IQSEC1: variants seen among roughly 807,000 people sequenced by gnomAD.
The protein encoded by IQSEC1 is IQ motif and Sec7 domain ArfGEF 1.
A neutral mutation model predicts 91.0 loss-of-function variants in IQSEC1; 31 were observed. The ratio of observed to expected loss-of-function variants is 0.34; its 90% CI spans 0.26 to 0.46. The LOEUF (loss-of-function observed/expected upper bound fraction) is 0.46, where lower values mean the gene tolerates loss of function less well. Among genes scored for constraint, IQSEC1 ranks in the 20% least tolerant of loss-of-function variants. The pLI, the probability that IQSEC1 is intolerant of heterozygous loss-of-function variation, is 1.00. For synonymous variants in IQSEC1, 699 were observed against 662.6 expected, an observed-to-expected ratio of 1.05 and a Z score of -0.84; for missense variants, 1,388 against 1,575.6, an observed-to-expected ratio of 0.88 and a Z score of 2.02.
intron 8 of IQSEC1, among the ~76,000 whole-genome samples, chr3:12,914,585 G>A (rs1032272609): frequency 6.6e-6 from 1 of 152,176 alleles, no homozygotes; most frequent in African/African-American, 2.4e-5. Context: ...AGCTGGGGAG[G>A]GTGAGGGCAG....
In IQSEC1 at chr3:12,900,015, T is replaced by TAA; in HGVS notation, c.*966_*967dup. The TAA allele has an allele frequency of 1.0e-6, 1 of 985,402 alleles. No individual in the cohort carries two copies. The highest frequency in any genetic ancestry group is 1.2e-6 in the Non-Finnish European group (1 of 829,926). 61.0% of individuals were successfully genotyped at this position (985,402 alleles called of 1,614,324 possible). A position where few individuals can be genotyped will look rare whatever the true frequency, so the allele number is the denominator to read the frequency against. Reference sequence around the variant, plus strand: ...CAGTTATCGCAGCCATTAAAGTGTCTAAGAATCCGTGTAACCAATGTCCTA... The same window carrying TAA: ...CAGTTATCGCAGCCATTAAAGTGTCTAAAAGAATCCGTGTAACCAATGTCCTA... On this transcript the variant is annotated 3_prime_UTR_variant, in exon 14 of 14. Transcript: ENST00000613206.
intron 1 of IQSEC1, among the ~76,000 whole-genome samples, chr3:13,185,994 G>A (rs775912988): frequency 2.0e-5 from 3 of 152,262 alleles, no homozygotes; most frequent in Non-Finnish European, 2.9e-5. Flanking sequence ...TTGACGCCAT[G>A]ACTCACTTGG....
chr3:13,009,777 C>T (rs936705451), intron 1 of IQSEC1, among the ~76,000 whole-genome samples: 1 of 150,690 alleles, frequency 6.6e-6, no homozygotes, highest in African/African-American at 2.4e-5. Flanking sequence ...CGTTGAGAGC[C>T]GGGCTTTAGC....
intron 1 of IQSEC1, among the ~76,000 whole-genome samples, chr3:13,187,671 TG>T (rs1436321868): frequency 3.9e-5 from 6 of 152,312 alleles, no homozygotes; most frequent in African/African-American, 1.4e-4. Flanking sequence ...ACTTCTCTTC[TG>T]GGTCCTGACT....
rs1480824219 is a variant in IQSEC1 at position 13,214,576 on chromosome 3, C to G, written c.273-50443G>C. Among the ~76,000 whole-genome samples the G allele has an allele frequency of 6.6e-6, 1 of 152,258 alleles. No individual in the cohort carries two copies. Among genetic ancestry groups the G allele is most frequent in the Non-Finnish European group, 1.5e-5 (1 of 68,044 alleles). On this transcript the variant is annotated intron_variant, in intron 1 of 15. Coordinates refer to the IQSEC1 transcript ENST00000648114. This position sits in a 1 kb window ranked among gnomAD's most constrained non-coding sequence, Gnocchi z 4.5. ...GCCTCTCACTGCCAGGTGGACGAAC[C>G]AGGGCAGGAATCCTAGCAGAAGCCT...
intron 1 of IQSEC1, among the ~76,000 whole-genome samples, chr3:12,963,840 G>T (rs1700391365): frequency 6.6e-6 from 1 of 152,242 alleles, no homozygotes; most frequent in South Asian, 2.1e-4. Context: ...AGGAACACAG[G>T]AAAGTGAAAA....
At position 12,941,816 on chromosome 3, in the gene IQSEC1, G is replaced by A. The variant is rs375594309; in HGVS notation, c.73C>T (p.Pro25Ser). ...AAGGGGCCCTGGGGGTAGGCTGAGGGGCTGTCCAGGGATGTGCCAGTCTCA... is the reference window on the plus strand; with the variant it reads ...AAGGGGCCCTGGGGGTAGGCTGAGGAGCTGTCCAGGGATGTGCCAGTCTCA... ...SSETGTSLDS[P>S]SAYPQGPLVP... The change falls in exon 2 of 14, where the codon CCC becomes TCC. Residue 25 changes from proline to serine, a missense_variant. Coordinates refer to ENST00000613206, the MANE Select transcript of IQSEC1 (RefSeq NM_001134382.3). The A allele has an allele frequency of 2.4e-5, 39 of 1,609,472 alleles. No homozygotes were observed. The highest frequency in any genetic ancestry group is 3.2e-5 in the Non-Finnish European group (38 of 1,179,008).
intron 1 of IQSEC1, among the ~76,000 whole-genome samples, chr3:12,950,432 C>G (rs1453995749): frequency 3.3e-5 from 5 of 152,126 alleles, no homozygotes; most frequent in African/African-American, 1.2e-4. Context: ...CTTTGGGAGG[C>G]CGAGGTGGGA....
chr3:13,157,044 CA>C (rs1327567166), intron 2 of IQSEC1, among the ~76,000 whole-genome samples: 3 of 152,166 alleles, frequency 2.0e-5, no homozygotes, highest in Non-Finnish European at 4.4e-5. Flanking sequence ...GTCATTTGAC[CA>C]AGGTCATTCA....
chr3:13,170,968 T>G (rs758017587), intron 1 of IQSEC1, among the ~76,000 whole-genome samples: 2 of 151,884 alleles, frequency 1.3e-5, no homozygotes, highest in Non-Finnish European at 2.9e-5. Context: ...GGCATGATGG[T>G]GAGTGCCTGT....
At chr3:13,255,004 G>A (rs1044676734) in intron 1 of IQSEC1, among the ~76,000 whole-genome samples, 11 of 152,214 alleles carry the variant, frequency 7.2e-5, no homozygotes, top group African/African-American at 2.2e-4. Flanking sequence ...AACCTCCCTC[G>A]ACAATCAGAG....
intron 2 of IQSEC1, among the ~76,000 whole-genome samples, chr3:13,085,350 G>C (rs1439437257): frequency 6.6e-6 from 1 of 152,160 alleles, no homozygotes; most frequent in Non-Finnish European, 1.5e-5. Context: ...CCTGGTGAGA[G>C]AGTGAGATCC....
chr3:13,174,380 G>C (rs1220049070), intron 1 of IQSEC1, among the ~76,000 whole-genome samples: 1 of 152,152 alleles, frequency 6.6e-6, no homozygotes, highest in Non-Finnish European at 1.5e-5. Flanking sequence ...CATCCCACTG[G>C]AGACTATACA....
chr3:13,128,892 A>G (rs894349122), intron 2 of IQSEC1, among the ~76,000 whole-genome samples: 25 of 151,884 alleles, frequency 1.6e-4, no homozygotes, highest in African/African-American at 5.6e-4. Flanking sequence ...AAAAAAAAAA[A>G]AAAAAGAAAT....
At chr3:12,923,532 A>G (rs915866308) in intron 4 of IQSEC1, among the ~76,000 whole-genome samples, 1 of 152,176 alleles carries the variant, frequency 6.6e-6, no homozygotes, top group Non-Finnish European at 1.5e-5. Context: ...TGCTGGCCAC[A>G]CTTAGCCTCC....
intron 1 of IQSEC1, among the ~76,000 whole-genome samples, chr3:13,172,204 C>T (rs1693629589): frequency 2.0e-5 from 3 of 152,308 alleles, no homozygotes; most frequent in South Asian, 2.1e-4. Context: ...CCAAGTCCTC[C>T]GGGCACAGCA....
intron 1 of IQSEC1, among the ~76,000 whole-genome samples, chr3:13,184,214 G>A (rs1360894182): frequency 6.6e-6 from 1 of 152,186 alleles, no homozygotes; most frequent in African/African-American, 2.4e-5. Context: ...TAGCAAGAAA[G>A]AGAACTCCTG....
chr3:13,019,957 C>T (rs879733930), intron 1 of IQSEC1, among the ~76,000 whole-genome samples: 11 of 152,194 alleles, frequency 7.2e-5, no homozygotes, highest in Non-Finnish European at 1.2e-4. Flanking sequence ...CTCTGTGAGG[C>T]GGTGCTGCTT....
intron 1 of IQSEC1, among the ~76,000 whole-genome samples, chr3:13,195,725 A>C (rs1420822936): frequency 1.3e-5 from 2 of 152,220 alleles, no homozygotes; most frequent in Non-Finnish European, 1.5e-5. Context: ...AAAGGGCAAC[A>C]TGAGGGGTTC....
Sources: allele counts gnomAD v4.1 joint callset (sites outside exome capture counted in the v4.1 genomes callset), GRCh38; gene constraint gnomAD v4.1.1; non-coding constraint Gnocchi (gnomAD v3.1); transcripts MANE v1.5; gene names NCBI Gene and HGNC (gene_info 2026-07-23, HGNC 2026-07-21).